The following RECQL4 variants were observed in gnomAD, a reference collection of about 807,000 sequenced individuals.
RECQL4 encodes ATP-dependent DNA helicase Q4.
In RECQL4, 158 loss-of-function variants were observed where a neutral mutation model predicts 128.6. That is an observed-to-expected ratio of 1.23 (90% CI 1.08 to 1.40). The LOEUF is 1.40. RECQL4 is among the 40% of genes most tolerant of loss of function. The pLI is 0.00. For missense variants in RECQL4, 2,293 were observed against 1,649.8 expected (o/e 1.39, Z -6.75); for synonymous variants, 996 against 678.9 (o/e 1.47, Z -7.26).
chr8:144,513,909 C>T lies in RECQL4; in HGVS notation c.2058+19G>A, dbSNP rs771449554. 5.5e-6 allele frequency: 8 copies of T among 1,442,616 alleles called. No individual in the cohort carries two copies. The highest frequency in any genetic ancestry group is 3.7e-5 in the South Asian group (3 of 80,646). The allele number at this position is 1,442,616 out of a possible 1,614,324, so 89.4% of individuals were successfully genotyped here. ...CAGCAGCCAGGGCCCTGCAGGGTCC[C>T]CAGAGCACACACACCCACCTGGTCT... On this transcript the variant is annotated intron_variant, in intron 12 of 20. Coordinates refer to ENST00000617875, the MANE Select transcript of RECQL4 (RefSeq NM_004260.4).
In RECQL4 at chr8:144,514,529, C is replaced by G. The variant is rs765558442; in HGVS notation, c.1621-4G>C. On this transcript the variant is annotated splice_region_variant and splice_polypyrimidine_tract_variant and intron_variant, in intron 9 of 20. Coordinates refer to ENST00000617875, the MANE Select transcript of RECQL4 (RefSeq NM_004260.4). ...GACACGGTGGCAGGCCAGACACCTG[C>G]AAATGCAGGAGCGACAGCCGTCATA... The G allele has an allele frequency of 4.3e-6, 7 of 1,610,462 alleles. No individual in the cohort carries two copies. The East Asian group carries it at 1.6e-4, about 36-fold the overall frequency.
chr8:144,516,588 T>A lies in RECQL4; in HGVS notation c.531A>T (p.Ala177=), dbSNP rs1272362463. ...GGGAGCCCAGCCGCTGGCTCAGGGA[T>A]GCCTGCAGATGCTGGAGCCGGCCTG... ...PRPGRLQHLQ[A]SLSQRLGSLD... The change falls in exon 5 of 21, where the codon GCA becomes GCT. Residue 177 remains alanine, a synonymous_variant. Coordinates refer to ENST00000617875, the MANE Select transcript of RECQL4 (RefSeq NM_004260.4). The A allele has an allele frequency of 1.2e-6, 2 of 1,610,258 alleles. No individual in the cohort carries two copies. The highest frequency in any genetic ancestry group is 1.7e-6 in the Non-Finnish European group (2 of 1,178,804).
rs376485578 is a variant in RECQL4 at position 144,516,365 on chromosome 8, G to A, written c.754C>T (p.Pro252Ser). ...TCGCCTCCACTGCTGCTGGGCTGGG[G>A]GCTCCCCACACGGATGCTGACTTCT... The part of the protein sequence containing the change: ...FQEVSIRVGS[P>S]QPSSSGGEKR... The change falls in exon 5 of 21, where the codon CCC becomes TCC. Residue 252 changes from proline to serine, a missense_variant. Transcript: ENST00000617875. 1 of 1,610,150 alleles carries A rather than the reference G, an allele frequency of 6.2e-7. No homozygotes were observed. Among genetic ancestry groups the A allele is most frequent in the Non-Finnish European group, 8.5e-7 (1 of 1,179,730 alleles).
rs1229898634 is a variant in RECQL4, at chr8:144,517,397, C to T, written c.213+17G>A. The stretch of plus-strand genomic sequence containing the variant: ...ACAGGGAAGTGGGAGGAGGCTGGGG[C>T]GGCGGGGCCTGGGTACCTCTTCGGC... On this transcript the variant is annotated intron_variant, in intron 3 of 20. Transcript: ENST00000617875. The T allele has an allele frequency of 5.8e-6, 9 of 1,552,628 alleles. No homozygotes were observed. Among genetic ancestry groups the T allele is most frequent in the Middle Eastern group, 4.4e-4 (2 of 4,556 alleles).
chr8:144,511,528 T>C lies in RECQL4; in HGVS notation c.3530A>G (p.Tyr1177Cys), dbSNP rs1341756990. ...TCTCCAGAAGCGTCGGTCCTGCCCG[T>C]ACACCTGGGCCGGGTAGCAGGGGCT... is the stretch of plus-strand genomic sequence containing the variant. ...IGSPCYPAQVYGQDRRFWRKY... is the reference protein window; with the variant it reads ...IGSPCYPAQVCGQDRRFWRKY... The change falls in exon 21 of 21, where the codon TAC (tyrosine) becomes TGC (cysteine). Residue 1177 changes from tyrosine to cysteine, a missense_variant. By Grantham distance (194) the Tyr-to-Cys change is radical. Transcript: ENST00000617875. The C allele has an allele frequency of 8.1e-6, 13 of 1,612,422 alleles. No homozygotes were observed. Among genetic ancestry groups the C allele is most frequent in the Non-Finnish European group, 8.5e-6 (10 of 1,179,740 alleles).
rs2130679039 is a variant in RECQL4 at position 144,513,377 on chromosome 8, C to T, written c.2304G>A (p.Val768=). ...CCATCCCAAAGGCCACCGTGGCCAC[C>T]ACCACCCGCAACTGGCCCTGCATGA... ...RAFMQGQLRV[V]VATVAFGMGL... is the part of the protein sequence containing the mutation. The change falls in exon 14 of 21, where the codon GTG becomes GTA. Residue 768 remains valine, a synonymous_variant. Coordinates refer to ENST00000617875, the MANE Select transcript of RECQL4 (RefSeq NM_004260.4). 1.9e-6 allele frequency: 3 copies of T among 1,607,396 alleles called. No homozygotes were observed. The highest frequency in any genetic ancestry group is 1.3e-5 in the African/African-American group (1 of 75,062).
rs1170909278 is a variant in RECQL4 at position 144,517,764 on chromosome 8, C to T, written c.21G>A (p.Val7=). 1.5e-6 allele frequency: 2 copies of T among 1,303,200 alleles called. No homozygotes were observed. The highest frequency in any genetic ancestry group is 9.8e-7 in the Non-Finnish European group (1 of 1,022,856). 80.7% of individuals were successfully genotyped at this position (1,303,200 alleles called of 1,614,324 possible). A position where few individuals can be genotyped will look rare whatever the true frequency, so the allele number is the denominator to read the frequency against. ...GCTCCCACGCCTGCAGCCGCTCCCG[C>T]ACGTCCCGCAGCCGCTCCATGGCGC... is the stretch of plus-strand genomic sequence containing the variant. MERLRD[V]RERLQAWERA... is the part of the protein sequence containing the mutation. The change falls in exon 1 of 21, where the codon GTG becomes GTA. Residue 7 remains valine (V), a synonymous_variant. Coordinates refer to ENST00000617875, the MANE Select transcript of RECQL4 (RefSeq NM_004260.4).
chr8:144,511,752 C>T lies in RECQL4; in HGVS notation c.3431G>A (p.Arg1144His), dbSNP rs746892308. Residue 1144 changes from arginine to histidine, a missense_variant, in exon 20 of 21, where the codon CGC (arginine) becomes CAC (histidine). Coordinates refer to ENST00000617875, the MANE Select transcript of RECQL4 (RefSeq NM_004260.4). ...CTCTGGCCTCAGGGACAGGAACTGG[C>T]GGATGTCGCAGCGGACCTGGTCCTC... is the stretch of plus-strand genomic sequence containing the variant. ...DWEDQVRCDI[R>H]QFLSLRPEEK... 141 of 1,612,466 alleles carry T rather than the reference C, an allele frequency of 8.7e-5. No individual in the cohort carries two copies. Among genetic ancestry groups the T allele is most frequent in the Admixed American group, 3.7e-4 (22 of 60,014 alleles).
At chr8:144,516,837 A>C in intron 4 of RECQL4, 73 bp from the exon 5 acceptor site, 1 of 1,435,232 alleles carries the variant, frequency 7.0e-7, no homozygotes, top group Non-Finnish European at 9.3e-7. Flanking sequence ...AACCTACCTG[A>C]GTCCCCACGC....
In RECQL4 at chr8:144,517,797, C is replaced by A; in HGVS notation, c.-13G>T. The stretch of plus-strand genomic sequence containing the variant: ...GCAGCCGCTCCATGGCGCGCGCGCC[C>A]GCCCGGCCTCCGCGCTTGCGATCGT... On this transcript the variant is annotated 5_prime_UTR_variant, in exon 1 of 21. Transcript: ENST00000617875. The A allele has an allele frequency of 1.6e-6, 2 of 1,212,632 alleles. No homozygotes were observed. Among genetic ancestry groups the A allele is most frequent in the Non-Finnish European group, 2.1e-6 (2 of 971,436 alleles). The allele number at this position is 1,212,632 out of a possible 1,614,324, so 75.1% of individuals were successfully genotyped here. A position where few individuals can be genotyped will look rare whatever the true frequency, so the allele number is the denominator to read the frequency against.
At position 144,514,964 on chromosome 8, in the gene RECQL4, G is replaced by A. The variant is rs774637277; in HGVS notation, c.1592C>T (p.Ser531Phe). The A allele has an allele frequency of 1.2e-6, 2 of 1,611,776 alleles. No homozygotes were observed. The highest frequency in any genetic ancestry group is 1.7e-5 in the Admixed American group (1 of 59,932). The part of the protein sequence containing the change: ...RRSPCLTLVV[S>F]PLLSLMDDQV... ...GTCATCCATGAGTGACAGCAGGGGA[G>A]AGACGACCAACGTGAGGCAGGGGCT... Residue 531 changes from serine to phenylalanine, a missense_variant, in exon 9 of 21, where the codon TCT (serine) becomes TTT (phenylalanine). Coordinates refer to ENST00000617875, the MANE Select transcript of RECQL4 (RefSeq NM_004260.4).
rs1256370377 is a variant in RECQL4, at chr8:144,515,314, C to G, written c.1390+12G>C. On this transcript the variant is annotated intron_variant, in intron 7 of 20. Coordinates refer to ENST00000617875, the MANE Select transcript of RECQL4 (RefSeq NM_004260.4). ...CTCAGTGAAGGCTCTGGGCCAGAAGCTGACTGCTCACCTGCCAACTGCCCT... is the reference window on the plus strand; with the variant it reads ...CTCAGTGAAGGCTCTGGGCCAGAAGGTGACTGCTCACCTGCCAACTGCCCT... The G allele has an allele frequency of 6.2e-7, 1 of 1,612,086 alleles. No homozygotes were observed. The highest frequency in any genetic ancestry group is 8.5e-7 in the Non-Finnish European group (1 of 1,179,574).
rs778439963 is a variant in RECQL4, at chr8:144,514,965, A to AGAC, written c.1588_1590dup (p.Val530dup). ...TCATCCATGAGTGACAGCAGGGGAG[A>AGAC]GACGACCAACGTGAGGCAGGGGCTG... On this transcript the variant is annotated inframe_insertion, in exon 9 of 21. Coordinates refer to ENST00000617875, the MANE Select transcript of RECQL4 (RefSeq NM_004260.4). 5.6e-6 allele frequency: 9 copies of AGAC among 1,611,742 alleles called. No homozygotes were observed. The highest frequency in any genetic ancestry group is 7.6e-6 in the Non-Finnish European group (9 of 1,179,568).
In RECQL4 at chr8:144,515,750, G is replaced by A. The variant is rs1332899412; in HGVS notation, c.1258+14C>T. On this transcript the variant is annotated intron_variant, in intron 6 of 20. Coordinates refer to ENST00000617875, the MANE Select transcript of RECQL4 (RefSeq NM_004260.4). Reference sequence around the variant, plus strand: ...AGTGTTGGCCGGACCCACCCTCCAGGGCAGATGTCTCACCTGGCCGGGGAC... The same window carrying A: ...AGTGTTGGCCGGACCCACCCTCCAGAGCAGATGTCTCACCTGGCCGGGGAC... 3 of 1,611,730 alleles carry A rather than the reference G, an allele frequency of 1.9e-6. No homozygotes were observed. Among genetic ancestry groups the A allele is most frequent in the South Asian group, 1.1e-5 (1 of 90,828 alleles).
In RECQL4 at chr8:144,517,113, G is replaced by A. The variant is rs762806249; in HGVS notation, c.291C>T (p.Ser97=). 4.3e-5 allele frequency: 70 copies of A among 1,612,250 alleles called. No individual in the cohort carries two copies. The highest frequency in any genetic ancestry group is 5.7e-5 in the Non-Finnish European group (67 of 1,179,750). Residue 97 remains serine, a synonymous_variant, in exon 4 of 21, where the codon AGC becomes AGT. Transcript: ENST00000617875. ...TKSPQSTPGR[S]RQGSVPDYGQ... is the part of the protein sequence containing the mutation. The stretch of plus-strand genomic sequence containing the variant: ...CGTAGTCCGGCACCGAGCCCTGGCG[G>A]CTCCGCCCTGGCGTAGACTGTGGAC...
At position 144,512,288 on chromosome 8, in the gene RECQL4, C is replaced by G. The variant is rs1307953192; in HGVS notation, c.3092G>C (p.Ser1031Thr). ...GCTGCGAAGGTGGAAGGCCAGCTCACTGAACTCCACAAGCACCCCTGTCCC... is the reference window on the plus strand; with the variant it reads ...GCTGCGAAGGTGGAAGGCCAGCTCAGTGAACTCCACAAGCACCCCTGTCCC... ...RRGTGVLVEF[S>T]ELAFHLRSPG... The change falls in exon 18 of 21, where the codon AGT (serine) becomes ACT (threonine). Residue 1031 changes from serine to threonine, a missense_variant. Transcript: ENST00000617875. The G allele has an allele frequency of 6.2e-7, 1 of 1,612,510 alleles. No individual in the cohort carries two copies. The highest frequency in any genetic ancestry group is 8.5e-7 in the Non-Finnish European group (1 of 1,179,788).
At position 144,517,596 on chromosome 8, in the gene RECQL4, G is replaced by C. The variant is rs1343975009; in HGVS notation, c.118+6C>G. 2.7e-6 allele frequency: 4 copies of C among 1,481,054 alleles called. No individual in the cohort carries two copies. Among genetic ancestry groups the C allele is most frequent in the Non-Finnish European group, 3.6e-6 (4 of 1,124,468 alleles). 91.7% of individuals were successfully genotyped at this position (1,481,054 alleles called of 1,614,324 possible). A position where few individuals can be genotyped will look rare whatever the true frequency, so the allele number is the denominator to read the frequency against. On this transcript the variant is annotated splice_donor_region_variant and intron_variant, in intron 2 of 20. Transcript: ENST00000617875. Reference sequence around the variant, plus strand: ...TCTCGCCCCCGCCGCCCCGCCGCGCGCTCACCGCGGGTCTCCTCCGGCGCC... The same window carrying C: ...TCTCGCCCCCGCCGCCCCGCCGCGCCCTCACCGCGGGTCTCCTCCGGCGCC...
Position 144,512,556 on chromosome 8 carries a change from G to T in RECQL4, c.2891C>A (p.Pro964His). ...AQLQALAHRC[P>H]PLAVCLAQQL... ...CTGGGCCAAGCACACAGCCAAAGGG[G>T]GACACCTGTGCCCAGGGAAAAAGGG... Residue 964 changes from proline (P) to histidine (H), a missense_variant, in exon 17 of 21, where the codon CCC becomes CAC. Physicochemically the swap from Pro to His is moderately conservative, Grantham distance 77. Coordinates refer to ENST00000617875, the MANE Select transcript of RECQL4 (RefSeq NM_004260.4). 1 of 1,612,514 alleles carries T rather than the reference G, an allele frequency of 6.2e-7. No homozygotes were observed. The highest frequency in any genetic ancestry group is 1.1e-5 in the South Asian group (1 of 91,086).
In RECQL4 at chr8:144,514,308, C is replaced by G. The variant is rs1586810759; in HGVS notation, c.1759G>C (p.Ala587Pro). Reference sequence around the variant, plus strand: ...TGTGCGGCTGGAGGGAGGCCTCCCGCCCCCACCAGTGCCTCAGGTGTCAGC... The same window carrying G: ...TGTGCGGCTGGAGGGAGGCCTCCCGGCCCCACCAGTGCCTCAGGTGTCAGC... Reference protein sequence around the residue: ...LMLTPEALVGAGGLPPAAQLP... With the variant: ...LMLTPEALVGPGGLPPAAQLP... Residue 587 changes from alanine (A) to proline (P), a missense_variant, in exon 11 of 21, where the codon GCG becomes CCG. Ala to Pro is a conservative substitution (Grantham distance 27). Coordinates refer to ENST00000617875, the MANE Select transcript of RECQL4 (RefSeq NM_004260.4). 2 of 1,610,046 alleles carry G rather than the reference C, an allele frequency of 1.2e-6. No individual in the cohort carries two copies. Among genetic ancestry groups the G allele is most frequent in the Non-Finnish European group, 1.7e-6 (2 of 1,178,702 alleles).
Sources: gnomAD v4.1 joint callset for allele counts on GRCh38, gnomAD v4.1.1 for gene constraint, MANE v1.5 for transcripts, NCBI Gene and HGNC (gene_info 2026-07-23, HGNC 2026-07-21) for gene names.